The following HS3ST3A1 variants were observed in gnomAD, a reference collection of about 807,000 sequenced individuals.
HS3ST3A1 encodes the protein heparan sulfate glucosamine 3-O-sulfotransferase 3A1.
Under a neutral mutation model 25.7 loss-of-function variants are expected in HS3ST3A1, and 19 were observed. The ratio of observed to expected loss-of-function variants is 0.74; its 90% CI spans 0.52 to 1.08. The LOEUF (loss-of-function observed/expected upper bound fraction) is 1.08. Ranked by LOEUF, HS3ST3A1 falls within the 50% of genes least tolerant of loss-of-function variation. The pLI, the probability that HS3ST3A1 is intolerant of heterozygous loss-of-function variation, is 0.00. For missense variants in HS3ST3A1, 459 were observed against 594.3 expected, an observed-to-expected ratio of 0.77 and a Z score of 2.37; for synonymous variants, 226 against 278.6, an observed-to-expected ratio of 0.81 and a Z score of 1.88.
intron 1 of HS3ST3A1, among the ~76,000 whole-genome samples, chr17:13,572,757 T>C (rs974839289): frequency 2.0e-5 from 3 of 152,224 alleles, no homozygotes; most frequent in Admixed American, 6.5e-5. Context: ...TCTGAGTTTT[T>C]ACCATGTGCA....
At chr17:13,525,052 T>G (rs1473271973) in intron 1 of HS3ST3A1, among the ~76,000 whole-genome samples, 1 of 152,222 alleles carries the variant, frequency 6.6e-6, no homozygotes, top group Admixed American at 6.5e-5. Context: ...TCTTTTATTT[T>G]CTTTCTTTTC....
chr17:13,563,697 CA>C (rs1288155965), intron 1 of HS3ST3A1, among the ~76,000 whole-genome samples: 2 of 152,142 alleles, frequency 1.3e-5, no homozygotes, highest in African/African-American at 4.8e-5. Flanking sequence ...AGCAAAGCCT[CA>C]GGAAACAGCC....
chr17:13,560,562 C>T (rs189132754), intron 1 of HS3ST3A1, among the ~76,000 whole-genome samples: 1 of 152,004 alleles, frequency 6.6e-6, no homozygotes, highest in South Asian at 2.1e-4. Context: ...TTTATTACAG[C>T]GTGTGTCTGG....
At chr17:13,599,525 A>G (rs1038958426) in intron 1 of HS3ST3A1, among the ~76,000 whole-genome samples, 8 of 152,226 alleles carry the variant, frequency 5.3e-5, no homozygotes, top group African/African-American at 1.9e-4. Flanking sequence ...TCTTTTATGA[A>G]CAAGATAAAC....
chr17:13,546,041 G>A (rs932464747), intron 1 of HS3ST3A1, among the ~76,000 whole-genome samples: 1 of 152,016 alleles, frequency 6.6e-6, no homozygotes, highest in African/African-American at 2.4e-5. Flanking sequence ...TCTGGGGGTC[G>A]TTTGAGAGAG....
intron 1 of HS3ST3A1, among the ~76,000 whole-genome samples, chr17:13,560,647 C>A (rs551432682): frequency 5.1e-4 from 77 of 152,228 alleles, no homozygotes; most frequent in African/African-American, 1.8e-3. Flanking sequence ...AGTGAGCTGA[C>A]TAACAATATA....
intron 1 of HS3ST3A1, among the ~76,000 whole-genome samples, chr17:13,512,228 A>G (rs1047782266): frequency 1.4e-5 from 2 of 146,444 alleles, no homozygotes; most frequent in Admixed American, 7.0e-5. Context: ...GAACCCGGGA[A>G]GCGGAGCTTG....
intron 1 of HS3ST3A1, among the ~76,000 whole-genome samples, chr17:13,550,450 T>C (rs1044908534): frequency 1.3e-5 from 2 of 152,116 alleles, no homozygotes; most frequent in African/African-American, 4.8e-5. Flanking sequence ...CATGTTCTTT[T>C]CTGGTTCTGG....
At chr17:13,579,943 T>TAAAAAAAAA (rs66568347) in intron 1 of HS3ST3A1, among the ~76,000 whole-genome samples, 1 of 81,942 alleles carries the variant, frequency 1.2e-5, no homozygotes, top group African/African-American at 5.0e-5. Flanking sequence ...TGACTCTGTC[T>TAAAAAAAAA]AAAAAAAAAA....
chr17:13,569,187 T>A (rs1907743808), intron 1 of HS3ST3A1, among the ~76,000 whole-genome samples: 1 of 152,174 alleles, frequency 6.6e-6, no homozygotes, highest in Non-Finnish European at 1.5e-5. Flanking sequence ...TCCTGTTTAT[T>A]GTCTGTGGGC....
chr17:13,561,650 C>A (rs1301568898), intron 1 of HS3ST3A1, among the ~76,000 whole-genome samples: 3 of 152,098 alleles, frequency 2.0e-5, no homozygotes, highest in Non-Finnish European at 2.9e-5. Context: ...CCTTGGCCTC[C>A]CAAAGTGCTG....
intron 1 of HS3ST3A1, among the ~76,000 whole-genome samples, chr17:13,530,588 C>CA (rs1177974476): frequency 6.6e-6 from 1 of 152,144 alleles, no homozygotes; most frequent in Non-Finnish European, 1.5e-5. Flanking sequence ...GACAATCTAA[C>CA]AATCTGTTTG....
chr17:13,521,515 C>T (rs2142319012), intron 1 of HS3ST3A1, among the ~76,000 whole-genome samples: 1 of 152,316 alleles, frequency 6.6e-6, no homozygotes, highest in Middle Eastern at 3.4e-3. Context: ...TCTAACCCAA[C>T]ACAGCTAATC....
intron 1 of HS3ST3A1, among the ~76,000 whole-genome samples, chr17:13,518,924 T>C (rs1906137648): frequency 6.6e-6 from 1 of 152,170 alleles, no homozygotes; most frequent in Admixed American, 6.5e-5. Context: ...ACTTATAAAA[T>C]AAATAACTGT....
chr17:13,546,565 C>T (rs1381384239), intron 1 of HS3ST3A1, among the ~76,000 whole-genome samples: 3 of 152,218 alleles, frequency 2.0e-5, no homozygotes, highest in Admixed American at 2.0e-4. Context: ...TGCGCCCAGC[C>T]CATATTACGC....
At chr17:13,517,546 A>C (rs776787332) in intron 1 of HS3ST3A1, among the ~76,000 whole-genome samples, 1 of 152,268 alleles carries the variant, frequency 6.6e-6, no homozygotes, top group African/African-American at 2.4e-5. Flanking sequence ...CTAGAGCCAT[A>C]AGTGACCTCC....
At chr17:13,555,587 G>A (rs1420557519) in intron 1 of HS3ST3A1, among the ~76,000 whole-genome samples, 1 of 152,138 alleles carries the variant, frequency 6.6e-6, no homozygotes, top group East Asian at 1.9e-4. Context: ...TTCTCAAGTC[G>A]ATGTTAGACT....
chr17:13,530,245 T>A (rs539833700), intron 1 of HS3ST3A1, among the ~76,000 whole-genome samples: 1 of 152,296 alleles, frequency 6.6e-6, no homozygotes, highest in Admixed American at 6.5e-5. Flanking sequence ...ATTGCAAGGA[T>A]CATTATCACT....
At chr17:13,588,170 G>A (rs62053913) in intron 1 of HS3ST3A1, among the ~76,000 whole-genome samples, 20,554 of 151,850 alleles carry the variant, frequency 0.14, 1,511 homozygotes, top group African/African-American at 0.16. Flanking sequence ...TTTACATATC[G>A]TCTGTGGCTG....
Sources: allele counts gnomAD v4.1 joint callset (sites outside exome capture counted in the v4.1 genomes callset), GRCh38; gene constraint gnomAD v4.1.1; transcripts MANE v1.5; gene names NCBI Gene and HGNC (gene_info 2026-07-23, HGNC 2026-07-21).